Variants in MTHFD2L observed in about 807,000 individuals in gnomAD.
MTHFD2L encodes methylenetetrahydrofolate dehydrogenase (NADP+ dependent) 2 like.
In MTHFD2L, 29 loss-of-function variants were observed where a neutral mutation model predicts 34.9. The ratio of observed to expected loss-of-function variants is 0.83; its 90% confidence interval spans 0.62 to 1.13. MTHFD2L has a LOEUF of 1.13. Among genes scored for constraint, MTHFD2L ranks in the 50% most tolerant of loss-of-function variants. MTHFD2L has a pLI of 0.00. For synonymous variants in MTHFD2L, 167 were observed against 155.7 expected, an observed-to-expected ratio of 1.07 and a Z score of -0.54; for missense variants, 481 against 446.5, an observed-to-expected ratio of 1.08 and a Z score of -0.70.
chr4:74,231,066 G>T (rs2110138848), intron 6 of MTHFD2L, among the ~76,000 whole-genome samples: 1 of 152,176 alleles, frequency 6.6e-6, no homozygotes, highest in South Asian at 2.1e-4. Flanking sequence ...CATGACGAAT[G>T]AACCTTCACA....
chr4:74,132,576 C>A (rs1027650057), intron 1 of MTHFD2L, among the ~76,000 whole-genome samples: 22 of 151,950 alleles, frequency 1.4e-4, no homozygotes, highest in African/African-American at 5.3e-4. Flanking sequence ...CATCACACAC[C>A]AGGGCCTGTC....
chr4:74,206,031 T>C (rs1578461981), intron 5 of MTHFD2L, among the ~76,000 whole-genome samples: 5 of 152,092 alleles, frequency 3.3e-5, no homozygotes, highest in South Asian at 2.1e-4. Flanking sequence ...CTGTAGATCA[T>C]TGTATATTTG....
chr4:74,150,212 C>G (rs565124857), intron 1 of MTHFD2L, among the ~76,000 whole-genome samples: 1 of 152,256 alleles, frequency 6.6e-6, no homozygotes, highest in African/African-American at 2.4e-5. Flanking sequence ...AGACTCACAC[C>G]AGACTTCTAT....
At chr4:74,183,018 C>G (rs1411178847) in intron 3 of MTHFD2L, 1 of 152,012 alleles carries the variant, frequency 6.6e-6, no homozygotes, top group Non-Finnish European at 1.5e-5. Context: ...TCACCAAACT[C>G]TCAAGCTCAT....
At chr4:74,230,681 G>A (rs1739904996) in intron 6 of MTHFD2L, among the ~76,000 whole-genome samples, 1 of 152,044 alleles carries the variant, frequency 6.6e-6, no homozygotes, top group African/African-American at 2.4e-5. Flanking sequence ...AACAGTAAGA[G>A]TACTGGATGG....
chr4:74,119,410 T>A (rs563878762), upstream of MTHFD2L, among the ~76,000 whole-genome samples: 14 of 152,058 alleles, frequency 9.2e-5, no homozygotes, highest in South Asian at 2.9e-3. Flanking sequence ...CACTGGAGAG[T>A]TTCTTTGAAA....
intron 1 of MTHFD2L, among the ~76,000 whole-genome samples, chr4:74,152,171 C>A (rs1371250059): frequency 6.6e-6 from 1 of 151,610 alleles, no homozygotes; most frequent in Non-Finnish European, 1.5e-5. Flanking sequence ...CAATAGTTTT[C>A]TTTTTTTGTA....
intron 5 of MTHFD2L, among the ~76,000 whole-genome samples, chr4:74,208,233 A>G (rs1735685665): frequency 6.6e-6 from 1 of 152,230 alleles, no homozygotes; most frequent in Non-Finnish European, 1.5e-5. Flanking sequence ...AGAAAAGAGC[A>G]AATGATAGTT....
intron 3 of MTHFD2L, among the ~76,000 whole-genome samples, chr4:74,197,258 G>A (rs952162664): frequency 2.6e-5 from 4 of 152,114 alleles, no homozygotes; most frequent in Non-Finnish European, 4.4e-5. Context: ...TAAGTCTCAC[G>A]ATTGTTTTTT....
At chr4:74,196,167 AT>A (rs1304188003) in intron 3 of MTHFD2L, among the ~76,000 whole-genome samples, 7 of 152,206 alleles carry the variant, frequency 4.6e-5, no homozygotes, top group Admixed American at 4.6e-4. Context: ...TGTGCTAAGT[AT>A]TTTTTATAGC....
intron 1 of MTHFD2L, among the ~76,000 whole-genome samples, chr4:74,126,831 C>A (rs1487505851): frequency 6.6e-6 from 1 of 151,994 alleles, no homozygotes; most frequent in Non-Finnish European, 1.5e-5. Flanking sequence ...TTGTGATAAT[C>A]TGATACATTC....
chr4:74,296,585 C>T (rs565679678), intron 7 of MTHFD2L, among the ~76,000 whole-genome samples: 7 of 152,156 alleles, frequency 4.6e-5, no homozygotes, highest in Admixed American at 3.3e-4. Context: ...CTGAGGCCAT[C>T]GTGTAAAGTA....
chr4:74,147,615 A>G (rs1340046356), intron 1 of MTHFD2L, among the ~76,000 whole-genome samples: 1 of 152,192 alleles, frequency 6.6e-6, no homozygotes, highest in African/African-American at 2.4e-5. Flanking sequence ...TCCAAGATGG[A>G]GAAAAATCTG....
At chr4:74,255,313 T>C (rs1743890815) in intron 6 of MTHFD2L, among the ~76,000 whole-genome samples, 1 of 151,994 alleles carries the variant, frequency 6.6e-6, no homozygotes, top group African/African-American at 2.4e-5. Flanking sequence ...CTGTAAGATA[T>C]TTTATGTGAG....
At position 74,158,219 on chromosome 4, in the gene MTHFD2L, C is replaced by A; in HGVS notation, c.81C>A (p.Pro27=). The part of the protein sequence containing the change: ...RAPALGRSTA[P]SVRAPGEPGS... ...CGGCGTTGGGCAGAAGCACAGCACC[C>A]TCCGTAAGGGCACCGGGAGAGCCCG... The change falls in exon 1 of 8, where the codon CCC becomes CCA. Residue 27 remains proline (P), a synonymous_variant. Transcript: ENST00000325278. 6.6e-7 allele frequency: 1 copy of A among 1,510,712 alleles called. No homozygotes were observed. The highest frequency in any genetic ancestry group is 1.4e-5 in the African/African-American group (1 of 71,644). 93.6% of individuals were successfully genotyped at this position (1,510,712 alleles called of 1,614,324 possible).
intron 6 of MTHFD2L, among the ~76,000 whole-genome samples, chr4:74,253,515 TC>T (rs1280000608): frequency 6.6e-6 from 1 of 152,144 alleles, no homozygotes; most frequent in Non-Finnish European, 1.5e-5. Flanking sequence ...CTTCACACCT[TC>T]CTCAAGCCTC....
chr4:74,226,712 A>G (rs1397533305), intron 6 of MTHFD2L, among the ~76,000 whole-genome samples: 1 of 152,206 alleles, frequency 6.6e-6, no homozygotes, highest in African/African-American at 2.4e-5. Context: ...AATTCATTCA[A>G]TTGAATATTA....
intron 6 of MTHFD2L, among the ~76,000 whole-genome samples, chr4:74,249,522 T>G (rs1271038113): frequency 6.6e-6 from 1 of 152,154 alleles, no homozygotes; most frequent in African/African-American, 2.4e-5. Context: ...ATCCTGTCAT[T>G]ATGATGTTAG....
chr4:74,234,288 T>C (rs1027286060), intron 6 of MTHFD2L, among the ~76,000 whole-genome samples: 1 of 152,044 alleles, frequency 6.6e-6, no homozygotes, highest in Non-Finnish European at 1.5e-5. Context: ...ATAATGTTAA[T>C]TAAAACGTTA....
Sources: gnomAD v4.1 joint callset for allele counts (sites outside exome capture counted in the v4.1 genomes callset) on GRCh38, gnomAD v4.1.1 for gene constraint, MANE v1.5 for transcripts, NCBI Gene and HGNC (gene_info 2026-07-23, HGNC 2026-07-21) for gene names.